Variants in TJP1 observed in about 807,000 individuals in gnomAD.
TJP1 encodes tight junction protein ZO-1.
TJP1 carries 43 observed loss-of-function variants against 194.2 expected under a neutral mutation model. The ratio of observed to expected loss-of-function variants is 0.22; its 90% CI spans 0.17 to 0.29. TJP1 has a LOEUF of 0.29. Ranked by LOEUF, TJP1 falls within the 10% of genes least tolerant of loss-of-function variation. TJP1 has a pLI of 1.00. For missense variants in TJP1, 1,971 were observed against 2,185.7 expected (o/e 0.90, Z 1.96); for synonymous variants, 801 against 779.0 (o/e 1.03, Z -0.47).
chr15:29,804,567 G>C (rs1394464027), intron 1 of TJP1, among the ~76,000 whole-genome samples: 1 of 152,168 alleles, frequency 6.6e-6, no homozygotes, highest in Non-Finnish European at 1.5e-5. Context: ...TTCTGGAGTG[G>C]AGAAAGGAAA....
intron 2 of TJP1, among the ~76,000 whole-genome samples, chr15:29,780,271 G>A (rs2047279424): frequency 6.6e-6 from 1 of 151,998 alleles, no homozygotes; most frequent in Non-Finnish European, 1.5e-5. Context: ...CCCTGAGCTA[G>A]TTTTCCTGCA....
intron 1 of TJP1, among the ~76,000 whole-genome samples, chr15:29,959,621 C>T (rs2056082603): frequency 6.6e-6 from 1 of 152,144 alleles, no homozygotes; most frequent in Non-Finnish European, 1.5e-5. Flanking sequence ...AGCCCTGCCT[C>T]TCTGACCCCA....
At chr15:29,714,431 G>A (rs772503842) in intron 23 of TJP1, among the ~76,000 whole-genome samples, 1 of 151,244 alleles carries the variant, frequency 6.6e-6, no homozygotes, top group Non-Finnish European at 1.5e-5. Context: ...GTAGAGACAG[G>A]GTTTCACCAT....
chr15:29,890,426 C>T lies in TJP1; in HGVS notation c.306+65806G>A, dbSNP rs551607412. Among the ~76,000 whole-genome samples, 24 of 152,206 alleles carry T rather than the reference C, an allele frequency of 1.6e-4. No homozygotes were observed. In the East Asian group the frequency reaches 2.7e-3, roughly 17 times the overall value. On this transcript the variant is annotated intron_variant, in intron 2 of 28. Transcript: ENST00000356107. ...GAAGAGCATTTCAACAACTTCAAGG[C>T]GCAGTGAATTACTCCCACTGCAATG... is the stretch of plus-strand genomic sequence containing the variant.
chr15:29,712,917 T>TG (rs1366787296), intron 23 of TJP1, among the ~76,000 whole-genome samples: 1 of 151,418 alleles, frequency 6.6e-6, no homozygotes, highest in Non-Finnish European at 1.5e-5. Context: ...GAATGGTAAA[T>TG]GGAGAGATAG....
At chr15:29,925,946 C>T (rs2066174976) in intron 2 of TJP1, among the ~76,000 whole-genome samples, 1 of 152,192 alleles carries the variant, frequency 6.6e-6, no homozygotes, top group Non-Finnish European at 1.5e-5. Context: ...TTTGCCTGGG[C>T]ATCCCCTCTA....
At chr15:29,902,831 C>T (rs1330295225) in intron 2 of TJP1, among the ~76,000 whole-genome samples, 3 of 152,182 alleles carry the variant, frequency 2.0e-5, no homozygotes, top group East Asian at 3.9e-4. Flanking sequence ...GTCAACAGAT[C>T]GAGACCATCC....
At chr15:29,922,020 T>C (rs1214934055) in intron 2 of TJP1, among the ~76,000 whole-genome samples, 2 of 152,030 alleles carry the variant, frequency 1.3e-5, no homozygotes, top group Non-Finnish European at 2.9e-5. Flanking sequence ...AATTTTTCCA[T>C]GTTTTTAGTA....
chr15:29,720,730 T>C, intron 18 of TJP1, 22 bp from the exon 19 acceptor site: 1 of 1,540,654 alleles, frequency 6.5e-7, no homozygotes. Flanking sequence ...AAAAGTAAAT[T>C]ACAAATTTTA....
At chr15:29,769,495 G>C (rs1034911374) in intron 4 of TJP1, among the ~76,000 whole-genome samples, 3 of 152,108 alleles carry the variant, frequency 2.0e-5, no homozygotes, top group Non-Finnish European at 2.9e-5. Context: ...TTTTGCAGCT[G>C]AATTTTAAAA....
chr15:29,797,582 TAAAAAAA>T (rs201927768), intron 2 of TJP1, among the ~76,000 whole-genome samples: 1 of 133,312 alleles, frequency 7.5e-6, no homozygotes, highest in African/African-American at 2.8e-5. Context: ...CTGAATACGT[TAAAAAAA>T]AAAAAAAAAA....
intron 22 of TJP1, 73 bp from the exon 23 acceptor site, chr15:29,716,911 T>A (rs1275958613): frequency 7.6e-7 from 1 of 1,318,486 alleles, no homozygotes; most frequent in Non-Finnish European, 1.1e-6. Flanking sequence ...AATATGTAAG[T>A]CTTATCTTGA....
At chr15:29,799,110 G>A (rs915734912) in intron 2 of TJP1, among the ~76,000 whole-genome samples, 1 of 152,042 alleles carries the variant, frequency 6.6e-6, no homozygotes, top group East Asian at 1.9e-4. Flanking sequence ...ACTCAGAACT[G>A]TAAGGGTCAA....
At chr15:29,787,084 T>C (rs1433769201) in intron 2 of TJP1, among the ~76,000 whole-genome samples, 1 of 152,226 alleles carries the variant, frequency 6.6e-6, no homozygotes, top group Non-Finnish European at 1.5e-5. Flanking sequence ...GACAGCAGTT[T>C]GGAGCTGCTT....
At chr15:29,895,888 T>C (rs536498468) in intron 2 of TJP1, among the ~76,000 whole-genome samples, 5 of 152,174 alleles carry the variant, frequency 3.3e-5, no homozygotes, top group Admixed American at 6.5e-5. Context: ...GAAGTCCAAA[T>C]TCAAGGTGTC....
intron 2 of TJP1, among the ~76,000 whole-genome samples, chr15:29,783,011 C>G (rs2047467751): frequency 6.6e-6 from 1 of 152,016 alleles, no homozygotes; most frequent in African/African-American, 2.4e-5. Flanking sequence ...TGGTGGCTCA[C>G]TCCTGTAATA....
In TJP1 at chr15:29,773,129, T is replaced by C. The variant is rs936471377; in HGVS notation, c.209+104A>G. The C allele has an allele frequency of 1.8e-5, 24 of 1,331,142 alleles. No homozygotes were observed. In the African/African-American group the frequency reaches 3.1e-4, roughly 17 times the overall value. 82.5% of individuals were successfully genotyped at this position (1,331,142 alleles called of 1,614,324 possible). On this transcript the variant is annotated intron_variant, in intron 3 of 27. Coordinates refer to ENST00000614355, the MANE Select transcript of TJP1 (RefSeq NM_001330239.4). Reference sequence around the variant, plus strand: ...TATATGAAGCATGGCACAGGTGGAGTGTGAATATGACAAAATCACTAAGAC... The same window carrying C: ...TATATGAAGCATGGCACAGGTGGAGCGTGAATATGACAAAATCACTAAGAC...
intron 2 of TJP1, among the ~76,000 whole-genome samples, chr15:29,782,242 C>A (rs1330584551): frequency 6.6e-6 from 1 of 152,096 alleles, no homozygotes; most frequent in African/African-American, 2.4e-5. Flanking sequence ...AAAGCCAAGA[C>A]AATCCTAAGC....
intron 27 of TJP1, 22 bp from the exon 28 acceptor site, chr15:29,701,711 T>C: frequency 6.3e-7 from 1 of 1,582,904 alleles, no homozygotes; most frequent in Non-Finnish European, 8.7e-7. Flanking sequence ...AAGAAGTTGA[T>C]GTCATTTACA....
Sources: gnomAD v4.1 joint callset for allele counts (sites outside exome capture counted in the v4.1 genomes callset) on GRCh38, gnomAD v4.1.1 for gene constraint, MANE v1.5 for transcripts, NCBI Gene and HGNC (gene_info 2026-07-23, HGNC 2026-07-21) for gene names.